The following LAMA4 variants were observed in gnomAD, a reference collection of about 807,000 sequenced individuals.
LAMA4 encodes laminin subunit alpha-4.
LAMA4 carries 127 observed loss-of-function variants against 207.1 expected under a neutral mutation model. The observed-to-expected ratio is 0.61, with a 90% CI of 0.53 to 0.71. LAMA4 has a LOEUF of 0.71. Among genes scored for constraint, LAMA4 ranks in the 30% least tolerant of loss-of-function variants. LAMA4 has a pLI of 0.00. For missense variants in LAMA4, 2,093 were observed against 2,246.5 expected (o/e 0.93, Z 1.38); for synonymous variants, 761 against 816.0 (o/e 0.93, Z 1.15).
intron 5 of LAMA4, among the ~76,000 whole-genome samples, chr6:112,198,689 G>A (rs987475776): frequency 1.3e-5 from 2 of 152,148 alleles, no homozygotes; most frequent in African/African-American, 4.8e-5. Context: ...GCACTATTTA[G>A]CTCAGAGCTG....
intron 24 of LAMA4, 34 bp downstream of exon 24, chr6:112,139,086 A>G: frequency 1.9e-6 from 3 of 1,600,084 alleles, no homozygotes; most frequent in Non-Finnish European, 2.6e-6. Context: ...AAAGGAAATA[A>G]AGGAGAAGTA....
intron 5 of LAMA4, 110 bp downstream of exon 5, chr6:112,201,498 A>G: frequency 1.1e-6 from 1 of 927,646 alleles, no homozygotes; most frequent in Non-Finnish European, 1.8e-6. Flanking sequence ...AACCACTCTT[A>G]AGCATCTCCT....
At chr6:112,215,910 A>C (rs1554358488) in intron 3 of LAMA4, among the ~76,000 whole-genome samples, 1 of 152,162 alleles carries the variant, frequency 6.6e-6, no homozygotes. Flanking sequence ...TTCAAACTTA[A>C]ATTTCTTTTT....
intron 38 of LAMA4, among the ~76,000 whole-genome samples, chr6:112,112,233 G>A (rs1777744766): frequency 6.6e-6 from 1 of 152,166 alleles, no homozygotes; most frequent in South Asian, 2.1e-4. Flanking sequence ...GAATGGGGAG[G>A]AATAGGAGAA....
chr6:112,225,579 A>G (rs1554362154), intron 2 of LAMA4, among the ~76,000 whole-genome samples: 1 of 152,196 alleles, frequency 6.6e-6, no homozygotes, highest in African/African-American at 2.4e-5. Context: ...AGATATATGA[A>G]GTACCACAGA....
At chr6:112,126,468 G>A (rs1177601284) in intron 31 of LAMA4, among the ~76,000 whole-genome samples, 1 of 152,154 alleles carries the variant, frequency 6.6e-6, no homozygotes, top group Non-Finnish European at 1.5e-5. Flanking sequence ...TGTCTTCCAT[G>A]TCAAACTCAG....
intron 38 of LAMA4, among the ~76,000 whole-genome samples, chr6:112,112,315 A>G (rs1489519739): frequency 2.0e-5 from 3 of 152,190 alleles, no homozygotes; most frequent in Non-Finnish European, 2.9e-5. Context: ...CAGTTCCCTT[A>G]TGGAAAGGCC....
chr6:112,129,731 A>C, intron 30 of LAMA4, 145 bp downstream of exon 30: 1 of 684,810 alleles, frequency 1.5e-6, no homozygotes, highest in East Asian at 2.7e-5. Context: ...CCCAAGTATG[A>C]CAGTTTCTCA....
At chr6:112,146,955 C>T (rs62413967) in intron 18 of LAMA4, among the ~76,000 whole-genome samples, 10,648 of 152,090 alleles carry the variant, frequency 0.07, 557 homozygotes, top group South Asian at 0.1. Flanking sequence ...GACAGAGTCC[C>T]CCTGCTCCCT....
chr6:112,194,963 T>C (rs1783326048), intron 5 of LAMA4, among the ~76,000 whole-genome samples: 1 of 152,150 alleles, frequency 6.6e-6, no homozygotes, highest in Non-Finnish European at 1.5e-5. Context: ...GTCATTTTGG[T>C]TAGTGATTTT....
In LAMA4 at chr6:112,139,884, A is replaced by G; in HGVS notation, c.2978T>C (p.Leu993Pro). 1.2e-6 allele frequency: 2 copies of G among 1,614,038 alleles called. No individual in the cohort carries two copies. The highest frequency in any genetic ancestry group is 1.7e-6 in the Non-Finnish European group (2 of 1,179,924). ...YVGGVPSNFK[L>P]PTSLNLPGFV... ...GCCAGGCAGGTTTAAGCTGGTAGGG[A>G]GCTATGCAATAGAAAAAGTAAAACC... The change falls in exon 23 of 39, where the codon CTC becomes CCC. Residue 993 changes from leucine to proline, a missense_variant and splice_region_variant. Transcript: ENST00000230538.
At chr6:112,133,278 A>C in intron 27 of LAMA4, 71 bp downstream of exon 27, 1 of 1,544,476 alleles carries the variant, frequency 6.5e-7, no homozygotes, top group African/African-American at 1.4e-5. Context: ...GAAGCTGAAA[A>C]GAACTTTTCC....
intron 10 of LAMA4, among the ~76,000 whole-genome samples, chr6:112,176,573 A>G (rs1322873548): frequency 6.6e-6 from 1 of 152,224 alleles, no homozygotes; most frequent in Non-Finnish European, 1.5e-5. Flanking sequence ...AGAATTATAT[A>G]AAGGGATTAA....
Position 112,139,215 on chromosome 6 carries a change from T to C in LAMA4, c.3187A>G (p.Ile1063Val), listed in dbSNP as rs782452379. Residue 1063 changes from isoleucine (I) to valine (V), a missense_variant, in exon 24 of 39, where the codon ATC becomes GTC. By Grantham distance (29) the Ile-to-Val change is conservative. Around this residue, in one of 3 missense-constraint regions of LAMA4, gnomAD observed 1,704 missense variants for 1,788.4 expected, o/e 0.95. Coordinates refer to ENST00000230538, the MANE Select transcript of LAMA4 (RefSeq NM_001105206.3). ...TGACCAAATTTCCCTCTCCTTGTGA[T>C]GTCTCTCACCACGGCATAACCGGAG... ...DGSGYAVVRD[I>V]TRRGKFGQVT... 1.2e-6 allele frequency: 2 copies of C among 1,614,212 alleles called. No homozygotes were observed. Among genetic ancestry groups the C allele is most frequent in the South Asian group, 2.2e-5 (2 of 91,082 alleles).
At chr6:112,173,471 G>A (rs1781842094) in intron 11 of LAMA4, among the ~76,000 whole-genome samples, 1 of 152,200 alleles carries the variant, frequency 6.6e-6, no homozygotes, top group South Asian at 2.1e-4. Flanking sequence ...GTTCCTGGCT[G>A]AGTATAGAAA....
intron 18 of LAMA4, among the ~76,000 whole-genome samples, chr6:112,145,620 T>A (rs1779979660): frequency 1.3e-5 from 2 of 152,144 alleles, no homozygotes; most frequent in Non-Finnish European, 2.9e-5. Context: ...CCTGTCTACA[T>A]CCCTCAAGTG....
At chr6:112,199,326 C>T (rs183176832) in intron 5 of LAMA4, among the ~76,000 whole-genome samples, 1 of 152,122 alleles carries the variant, frequency 6.6e-6, no homozygotes, top group Non-Finnish European at 1.5e-5. Context: ...TATCTAAGGC[C>T]ATTAACTCTC....
intron 5 of LAMA4, among the ~76,000 whole-genome samples, chr6:112,195,980 A>ATAT (rs1554350372): frequency 6.6e-6 from 1 of 151,194 alleles, no homozygotes; most frequent in South Asian, 2.1e-4. Flanking sequence ...ACACACTGCT[A>ATAT]TATATATTTG....
At chr6:112,188,875 G>A in intron 7 of LAMA4, 1 of 505,822 alleles carries the variant, frequency 2.0e-6, no homozygotes, top group Non-Finnish European at 3.6e-6. Context: ...GATTCTGAAT[G>A]TAAAGACTGG....
Sources: gnomAD v4.1 joint callset for allele counts (sites outside exome capture counted in the v4.1 genomes callset) on GRCh38, gnomAD v4.1.1 for gene constraint, gnomAD v4.1.1 regional missense constraint, MANE v1.5 for transcripts, NCBI Gene and HGNC (gene_info 2026-07-23, HGNC 2026-07-21) for gene names.